Variants in MALRD1 observed in about 807,000 individuals in gnomAD.
MALRD1 encodes MAM and LDL receptor class A domain containing 1.
Under a neutral mutation model 242.1 loss-of-function variants are expected in MALRD1, and 247 were observed. That is an observed-to-expected ratio of 1.02 (90% CI 0.92 to 1.13). The LOEUF is 1.13. Ranked by LOEUF, MALRD1 falls within the 50% of genes most tolerant of loss-of-function variation. The probability of loss-of-function intolerance (pLI) is 0.00; values close to 1 mark genes in which losing one functional copy is unlikely to be tolerated. For missense variants in MALRD1, 2,989 were observed against 2,533.1 expected (o/e 1.18, Z -3.86); for synonymous variants, 995 against 866.6 (o/e 1.15, Z -2.60).
intron 21 of MALRD1, among the ~76,000 whole-genome samples, chr10:19,285,572 G>A (rs916241077): frequency 2.6e-5 from 4 of 151,608 alleles, no homozygotes; most frequent in South Asian, 4.2e-4. Context: ...TAGATATGCG[G>A]CGTTATTTCT....
intron 36 of MALRD1, among the ~76,000 whole-genome samples, chr10:19,648,606 T>C (rs956669164): frequency 2.6e-5 from 4 of 152,072 alleles, no homozygotes. Context: ...GTATATAACC[T>C]ACAGATCAAG....
rs776361857 is a variant in MALRD1, at chr10:19,356,666, C to T, written c.4441+4369C>T. The stretch of plus-strand genomic sequence containing the variant: ...TCAATTACCCAGTAGGTACTCATGG[C>T]TATTGGTTACCCCAGTGGACAGCAA... On this transcript the variant is annotated intron_variant, in intron 26 of 39. Transcript: ENST00000454679. Among the ~76,000 whole-genome samples the T allele has an allele frequency of 4.3e-4, 66 of 152,122 alleles. 1 individual carries two copies. Among genetic ancestry groups the T allele is most frequent in the Non-Finnish European group, 7.8e-4 (53 of 68,004 alleles).
At chr10:19,660,125 C>T (rs1422641959) in intron 36 of MALRD1, among the ~76,000 whole-genome samples, 1 of 152,086 alleles carries the variant, frequency 6.6e-6, no homozygotes, top group African/African-American at 2.4e-5. Flanking sequence ...AACAAAATGA[C>T]TTTTTTGTTC....
intron 12 of MALRD1, among the ~76,000 whole-genome samples, chr10:19,159,573 A>G (rs769280667): frequency 1.3e-5 from 2 of 152,092 alleles, no homozygotes; most frequent in Non-Finnish European, 2.9e-5. Flanking sequence ...CGAAGTCCAC[A>G]GGGAAGTTGA....
chr10:19,232,367 G>T (rs907104416), intron 18 of MALRD1, among the ~76,000 whole-genome samples: 1 of 150,812 alleles, frequency 6.6e-6, no homozygotes, highest in Non-Finnish European at 1.5e-5. Flanking sequence ...TAGTAGAGAT[G>T]GGGTTTCAGC....
chr10:19,498,739 T>C, intron 31 of MALRD1, 93 bp downstream of exon 31: 2 of 1,395,040 alleles, frequency 1.4e-6, no homozygotes, highest in Non-Finnish European at 1.9e-6. Flanking sequence ...ATTTCTTATG[T>C]GTATGTGGGG....
chr10:19,461,711 G>T (rs1835955202), intron 29 of MALRD1, among the ~76,000 whole-genome samples: 1 of 152,014 alleles, frequency 6.6e-6, no homozygotes, highest in Non-Finnish European at 1.5e-5. Context: ...TGGTGTGGTG[G>T]TGTACACCTG....
intron 36 of MALRD1, among the ~76,000 whole-genome samples, chr10:19,690,331 AAATC>A (rs1842764005): frequency 1.3e-5 from 2 of 152,100 alleles, no homozygotes; most frequent in South Asian, 2.1e-4. Flanking sequence ...GCTCTGTGGA[AAATC>A]AATCAATCAA....
intron 18 of MALRD1, among the ~76,000 whole-genome samples, chr10:19,235,149 G>C (rs1838254873): frequency 6.6e-6 from 1 of 152,118 alleles, no homozygotes; most frequent in African/African-American, 2.4e-5. Flanking sequence ...GTTTCAGTCA[G>C]GTAAGTGAGC....
chr10:19,375,424 T>G (rs544685952), intron 26 of MALRD1, among the ~76,000 whole-genome samples: 2 of 151,768 alleles, frequency 1.3e-5, no homozygotes, highest in African/African-American at 4.8e-5. Context: ...TGAGAAAGAG[T>G]TGGGAGAAAA....
intron 32 of MALRD1, among the ~76,000 whole-genome samples, chr10:19,547,435 G>C (rs7905542): frequency 0.94 from 143,477 of 152,002 alleles, 67,768 homozygotes; most frequent in East Asian, 1. Context: ...CTCTGCTTCT[G>C]ATCCTTCTTA....
At chr10:19,693,388 A>G (rs578010231) in intron 38 of MALRD1, among the ~76,000 whole-genome samples, 15 of 152,274 alleles carry the variant, frequency 9.9e-5, no homozygotes, top group Non-Finnish European at 1.8e-4. Flanking sequence ...CTCAGGATAC[A>G]AAATCAATGT....
At chr10:19,320,892 A>G (rs1842890139) in intron 21 of MALRD1, among the ~76,000 whole-genome samples, 1 of 151,822 alleles carries the variant, frequency 6.6e-6, no homozygotes, top group Admixed American at 6.6e-5. Flanking sequence ...GTGTCTATTC[A>G]TATCCTGTGC....
intron 12 of MALRD1, among the ~76,000 whole-genome samples, chr10:19,159,073 CACATAAAGATTAA>C (rs1834286347): frequency 6.6e-6 from 1 of 152,096 alleles, no homozygotes; most frequent in Non-Finnish European, 1.5e-5. Context: ...TATATCAAAG[CACATAAAGATTAA>C]TCATTTAAAC....
chr10:19,217,940 T>A (rs574265186), intron 18 of MALRD1, among the ~76,000 whole-genome samples: 1 of 152,256 alleles, frequency 6.6e-6, no homozygotes, highest in East Asian at 1.9e-4. Flanking sequence ...AGCTGCATGC[T>A]AAATGTTTGT....
chr10:19,585,950 T>C (rs927694939), intron 33 of MALRD1, among the ~76,000 whole-genome samples: 1 of 152,116 alleles, frequency 6.6e-6, no homozygotes, highest in Non-Finnish European at 1.5e-5. Context: ...CCTCTAAACT[T>C]CCCTTCTCGC....
intron 28 of MALRD1, among the ~76,000 whole-genome samples, chr10:19,400,249 C>A (rs1306388380): frequency 1.3e-5 from 2 of 152,156 alleles, no homozygotes; most frequent in African/African-American, 4.8e-5. Context: ...ATATTTAATT[C>A]TCCTCATTCT....
chr10:19,205,364 C>A (rs1349259482), intron 17 of MALRD1, 99 bp downstream of exon 17: 2 of 1,351,426 alleles, frequency 1.5e-6, no homozygotes, highest in South Asian at 1.5e-5. Context: ...TAACAGTAAG[C>A]ATAGCTCCAA....
intron 5 of MALRD1, among the ~76,000 whole-genome samples, 168 bp from the exon 6 acceptor site, chr10:19,123,324 T>A (rs139287905): frequency 0.01 from 1,550 of 150,844 alleles, 24 homozygotes; most frequent in African/African-American, 0.035. Context: ...TGTGTGTGTG[T>A]GAGAGAGAGA....
Sources: allele counts gnomAD v4.1 joint callset (sites outside exome capture counted in the v4.1 genomes callset), GRCh38; gene constraint gnomAD v4.1.1; transcripts MANE v1.5; gene names NCBI Gene and HGNC (gene_info 2026-07-23, HGNC 2026-07-21).